The following RORA variants were observed in gnomAD, a reference collection of about 807,000 sequenced individuals.
RORA encodes the protein nuclear receptor ROR-alpha.
RORA carries 7 observed loss-of-function variants against 69.5 expected under a neutral mutation model. That is an observed-to-expected ratio of 0.10 (90% CI 0.06 to 0.19). The LOEUF (loss-of-function observed/expected upper bound fraction) is 0.19, where lower values mean the gene tolerates loss of function less well. RORA is among the 10% of genes least tolerant of loss of function. The probability of loss-of-function intolerance (pLI) is 1.00; values close to 1 mark genes in which losing one functional copy is unlikely to be tolerated. For synonymous variants in RORA, 261 were observed against 240.8 expected (o/e 1.08, Z -0.78); for missense variants, 457 against 663.0 (o/e 0.69, Z 3.41).
chr15:60,789,622 A>T (rs1408408328), intron 1 of RORA, among the ~76,000 whole-genome samples: 2 of 152,250 alleles, frequency 1.3e-5, no homozygotes, highest in African/African-American at 4.8e-5. Flanking sequence ...GGGCAGCTGA[A>T]GTTTAAGCAA....
intron 1 of RORA, among the ~76,000 whole-genome samples, chr15:60,912,265 GA>G (rs1284858641): frequency 6.6e-6 from 1 of 151,904 alleles, no homozygotes. Flanking sequence ...GAAAGAAAGA[GA>G]AAAAAATAGC....
In RORA at chr15:61,229,003, C is replaced by T. The variant is rs757454128; in HGVS notation, c.166+50G>A. ...GCCCGCTCCCGGCCGCCCCCCGCTC[C>T]GCGCCCGGGCTCCCGCCGCCCCCTC... On this transcript the variant is annotated intron_variant, in intron 1 of 10. Coordinates refer to ENST00000335670, the MANE Select transcript of RORA (RefSeq NM_134261.3). 55 of 1,121,300 alleles carry T rather than the reference C, an allele frequency of 4.9e-5. 2 individuals carry two copies. In the South Asian group the frequency reaches 1.5e-3, roughly 31 times the overall value. 69.5% of individuals were successfully genotyped at this position (1,121,300 alleles called of 1,614,324 possible). A position where few individuals can be genotyped will look rare whatever the true frequency, so the allele number is the denominator to read the frequency against.
At chr15:60,978,131 TTCA>T (rs36048535) in intron 1 of RORA, among the ~76,000 whole-genome samples, 113,544 of 151,040 alleles carry the variant, frequency 0.75, 43,023 homozygotes, top group Admixed American at 0.83. Flanking sequence ...TCTTATTTTC[TTCA>T]TCATCATCAT....
chr15:61,077,251 G>A (rs968166103), intron 1 of RORA, among the ~76,000 whole-genome samples: 2 of 151,978 alleles, frequency 1.3e-5, no homozygotes, highest in Non-Finnish European at 2.9e-5. Flanking sequence ...GGTAGTGAGG[G>A]GAGAAAGATA....
At chr15:61,120,625 C>T (rs1334870594) in intron 1 of RORA, among the ~76,000 whole-genome samples, 3 of 147,184 alleles carry the variant, frequency 2.0e-5, no homozygotes, top group Non-Finnish European at 3.0e-5. Context: ...GGCGTTAACC[C>T]GGGAGGCGGA....
chr15:60,896,241 C>A (rs887715545), intron 1 of RORA, among the ~76,000 whole-genome samples: 2 of 152,232 alleles, frequency 1.3e-5, no homozygotes, highest in African/African-American at 4.8e-5. Context: ...GATGGTCACA[C>A]TCTTCTTTGT....
chr15:60,526,096 C>T (rs1010382556), intron 3 of RORA, among the ~76,000 whole-genome samples: 3 of 152,154 alleles, frequency 2.0e-5, no homozygotes, highest in Admixed American at 6.5e-5. Flanking sequence ...AAAGAGCAGG[C>T]GGCCTCATTC....
chr15:60,795,464 T>C (rs1345747606), intron 1 of RORA, among the ~76,000 whole-genome samples: 1 of 152,190 alleles, frequency 6.6e-6, no homozygotes, highest in Non-Finnish European at 1.5e-5. Context: ...AGCTAAGAAT[T>C]TGACAACTGT....
At chr15:60,712,718 C>A (rs2071161391) in intron 1 of RORA, among the ~76,000 whole-genome samples, 1 of 152,216 alleles carries the variant, frequency 6.6e-6, no homozygotes, top group Non-Finnish European at 1.5e-5. Context: ...CTACTGCTTC[C>A]AGGAAGGCTT....
At chr15:61,152,504 G>A (rs1451658276) in intron 1 of RORA, among the ~76,000 whole-genome samples, 1 of 150,336 alleles carries the variant, frequency 6.7e-6, no homozygotes, top group African/African-American at 2.4e-5. Context: ...AATATTATAT[G>A]TAAATATTAT....
At chr15:60,770,215 CT>C (rs146209036) in intron 1 of RORA, among the ~76,000 whole-genome samples, 5,076 of 151,448 alleles carry the variant, frequency 0.034, 117 homozygotes, top group Non-Finnish European at 0.048. Flanking sequence ...AAAGATATTC[CT>C]TTTTTTTTCT....
chr15:60,702,203 C>T (rs2070992546), intron 1 of RORA, among the ~76,000 whole-genome samples: 1 of 152,102 alleles, frequency 6.6e-6, no homozygotes, highest in African/African-American at 2.4e-5. Context: ...GTACTCTTCT[C>T]ATAGGGTTGT....
intron 1 of RORA, among the ~76,000 whole-genome samples, chr15:60,740,255 C>A (rs181993120): frequency 1.3e-5 from 2 of 151,166 alleles, no homozygotes; most frequent in East Asian, 1.9e-4. Context: ...CAGTTCGTTA[C>A]CCCCCGCACT....
At chr15:60,738,579 A>G (rs2071533374) in intron 1 of RORA, among the ~76,000 whole-genome samples, 3 of 152,294 alleles carry the variant, frequency 2.0e-5, no homozygotes, top group Non-Finnish European at 2.9e-5. Context: ...TAAGACAAAT[A>G]TAATCCAGGC....
intron 1 of RORA, among the ~76,000 whole-genome samples, chr15:61,192,773 C>T (rs750672470): frequency 3.9e-5 from 6 of 152,210 alleles, no homozygotes; most frequent in Admixed American, 6.5e-5. Context: ...GAGTTCACCT[C>T]CCAGCTCTGA....
chr15:61,104,089 T>G (rs2078918555), intron 1 of RORA, among the ~76,000 whole-genome samples: 1 of 152,220 alleles, frequency 6.6e-6, no homozygotes, highest in South Asian at 2.1e-4. Context: ...AGCCACATGA[T>G]GCATGTTCTC....
intron 1 of RORA, among the ~76,000 whole-genome samples, chr15:61,183,916 T>C (rs1379083870): frequency 6.6e-6 from 1 of 152,142 alleles, no homozygotes; most frequent in African/African-American, 2.4e-5. Context: ...TTGTCTAACC[T>C]TTCCCATCCT....
rs772630376 is a variant in RORA at position 61,226,443 on chromosome 15, A to G, written c.166+2610T>C. On this transcript the variant is annotated intron_variant, in intron 1 of 10. Coordinates refer to ENST00000335670, the MANE Select transcript of RORA (RefSeq NM_134261.3). The surrounding 1 kb of genome is among the most constrained non-coding windows in gnomAD (Gnocchi z 4.2). The stretch of plus-strand genomic sequence containing the variant: ...CCGATATTGTAATTTATGCAACATT[A>G]ATACTGGATGCCAGCTCCAATTTTC... Among the ~76,000 whole-genome samples, 2 of 152,336 alleles carry G rather than the reference A, an allele frequency of 1.3e-5. No homozygotes were observed. The highest frequency in any genetic ancestry group is 2.9e-5 in the Non-Finnish European group (2 of 68,034).
At chr15:60,989,600 T>C (rs937995139) in intron 1 of RORA, among the ~76,000 whole-genome samples, 1 of 152,240 alleles carries the variant, frequency 6.6e-6, no homozygotes, top group African/African-American at 2.4e-5. Flanking sequence ...TTACGTCTGC[T>C]TTAAGATGGG....
Sources: gnomAD v4.1 joint callset for allele counts (sites outside exome capture counted in the v4.1 genomes callset) on GRCh38, gnomAD v4.1.1 for gene constraint, Gnocchi (gnomAD v3.1) non-coding constraint, MANE v1.5 for transcripts, NCBI Gene and HGNC (gene_info 2026-07-23, HGNC 2026-07-21) for gene names.